LRP1B: variants seen among roughly 807,000 people sequenced by gnomAD.
The protein encoded by LRP1B is LDL receptor related protein 1B, also known as low-density lipoprotein receptor-related protein 1B.
In LRP1B, 217 loss-of-function variants were observed where a neutral mutation model predicts 556.6. That is an observed-to-expected ratio of 0.39 (90% CI 0.35 to 0.44). The LOEUF is 0.44. Among genes scored for constraint, LRP1B ranks in the 20% least tolerant of loss-of-function variants. The pLI is 1.00. For missense variants in LRP1B, 5,053 were observed against 5,620.8 expected (o/e 0.90, Z 3.23); for synonymous variants, 2,047 against 1,865.8 (o/e 1.10, Z -2.50).
At position 141,480,854 on chromosome 2, in the gene LRP1B, T is replaced by G. The variant is rs1682895003; in HGVS notation, c.206-321A>C. Among the ~76,000 whole-genome samples, 5 of 152,156 alleles carry G rather than the reference T, an allele frequency of 3.3e-5. 1 individual carries two copies. In the South Asian group the frequency reaches 1.0e-3, roughly 32 times the overall value. ...GTTTCATCTCATATCCCTAGATAAG[T>G]TGGGCAGGGTACTTAAACTCCTTGA... On this transcript the variant is annotated intron_variant, in intron 2 of 90. Transcript: ENST00000389484.
At chr2:140,824,310 C>T (rs1286016002) in intron 31 of LRP1B, among the ~76,000 whole-genome samples, 3 of 151,670 alleles carry the variant, frequency 2.0e-5, no homozygotes, top group East Asian at 1.9e-4. Context: ...TATATGAGGC[C>T]TTTTGGGATA....
chr2:140,794,114 ACGGTCCT>A (rs1231565395), intron 32 of LRP1B, among the ~76,000 whole-genome samples: 2 of 152,178 alleles, frequency 1.3e-5, no homozygotes, highest in Non-Finnish European at 2.9e-5. Context: ...GAAGATACAT[ACGGTCCT>A]CATTGTATTT....
At chr2:140,301,314 A>G (rs1029759194) in intron 83 of LRP1B, among the ~76,000 whole-genome samples, 21 of 150,844 alleles carry the variant, frequency 1.4e-4, no homozygotes, top group African/African-American at 4.2e-4. Context: ...TCTTCAAAAG[A>G]CAATCATACT....
In LRP1B at chr2:140,350,843, T is replaced by C. The variant is rs1681925438; in HGVS notation, c.11846A>G (p.Lys3949Arg). 3 of 1,611,438 alleles carry C rather than the reference T, an allele frequency of 1.9e-6. No individual in the cohort carries two copies. Among genetic ancestry groups the C allele is most frequent in the East Asian group, 2.2e-5 (1 of 44,492 alleles). ...TQFNPGGIFY[K>R]RIHGREKRQA... ...CCTTTTTTCTCTGCCATGGATCCTT[T>C]TGTAGAAAATTCCGCCTGGATTAAA... is the stretch of plus-strand genomic sequence containing the variant. Residue 3949 changes from lysine (K) to arginine (R), a missense_variant, in exon 77 of 91, where the codon AAA (lysine) becomes AGA (arginine). Lys to Arg is a conservative substitution (Grantham distance 26). Around this residue, in one of 5 missense-constraint regions of LRP1B, gnomAD observed 599 missense variants for 648.4 expected, o/e 0.92. Transcript: ENST00000389484.
rs61682272 is a variant in LRP1B at position 141,923,403 on chromosome 2, C to CTATATATATATATATATATATATATA, written c.83-113003_83-113002insTATATATATATATATATATATATATA. On this transcript the variant is annotated intron_variant, in intron 1 of 90. Coordinates refer to ENST00000389484, the MANE Select transcript of LRP1B (RefSeq NM_018557.3). ...ATTTTTAATGAAATTATCTCTGTCA[C>CTATATATATATATATATATATATATA]TATATATATATATATATATAGTGAC... 3.0e-4 allele frequency among the ~76,000 whole-genome samples: 31 copies of CTATATATATATATATATATATATATA among 102,092 alleles called. 1 individual carries two copies. The highest frequency in any genetic ancestry group is 5.6e-4 in the African/African-American group (14 of 25,044). 67.0% of individuals were successfully genotyped at this position (102,092 alleles called of 152,430 possible). A position where few individuals can be genotyped will look rare whatever the true frequency, so the allele number is the denominator to read the frequency against.
chr2:140,508,137 T>C (rs1689498271), intron 52 of LRP1B, among the ~76,000 whole-genome samples: 1 of 152,164 alleles, frequency 6.6e-6, no homozygotes, highest in South Asian at 2.1e-4. Context: ...TAATGGGTAC[T>C]TGAAAAACTT....
chr2:141,613,809 A>G (rs1040145214), intron 2 of LRP1B, among the ~76,000 whole-genome samples: 2 of 152,140 alleles, frequency 1.3e-5, no homozygotes, highest in Non-Finnish European at 2.9e-5. Context: ...ATGGCAGCTC[A>G]TGCATGTAAT....
At chr2:141,987,289 G>A (rs1017059023) in intron 1 of LRP1B, among the ~76,000 whole-genome samples, 2 of 151,872 alleles carry the variant, frequency 1.3e-5, no homozygotes, top group African/African-American at 4.8e-5. Flanking sequence ...AATTATTCAG[G>A]AGTTTAAAAA....
intron 35 of LRP1B, among the ~76,000 whole-genome samples, chr2:140,726,280 C>A (rs1030787902): frequency 4.6e-5 from 7 of 151,948 alleles, no homozygotes; most frequent in African/African-American, 1.7e-4. Flanking sequence ...AGATTTGGGG[C>A]TAGTTTTTTC....
At chr2:140,656,696 TTGTC>T (rs988038159) in intron 41 of LRP1B, among the ~76,000 whole-genome samples, 75 of 152,302 alleles carry the variant, frequency 4.9e-4, no homozygotes, top group African/African-American at 1.7e-3. Context: ...CTTGGACTAT[TTGTC>T]TGATTCATTC....
chr2:141,054,117 A>G (rs769491429), intron 10 of LRP1B, among the ~76,000 whole-genome samples: 2 of 152,028 alleles, frequency 1.3e-5, no homozygotes, highest in African/African-American at 4.8e-5. Flanking sequence ...TTTAAACTAT[A>G]TATTCTATTA....
intron 3 of LRP1B, among the ~76,000 whole-genome samples, chr2:141,347,836 T>C (rs1688308020): frequency 6.6e-6 from 1 of 152,054 alleles, no homozygotes; most frequent in African/African-American, 2.4e-5. Context: ...GTATGTATTA[T>C]TAAAAACTAA....
chr2:140,712,459 T>C lies in LRP1B; in HGVS notation c.6023+3514A>G, dbSNP rs550031314. On this transcript the variant is annotated intron_variant, in intron 37 of 90. Transcript: ENST00000389484. ...TTTCTGTCTGTGATTCCTCCTGCTC[T>C]GCCCTATTGTTTCTCCCTTGTCAAG... is the stretch of plus-strand genomic sequence containing the variant. 1.6e-4 allele frequency among the ~76,000 whole-genome samples: 25 copies of C among 152,136 alleles called. 1 individual carries two copies. The East Asian group carries it at 4.9e-3, about 30-fold the overall frequency.
At chr2:141,661,305 G>A (rs957402338) in intron 2 of LRP1B, among the ~76,000 whole-genome samples, 6 of 152,178 alleles carry the variant, frequency 3.9e-5, no homozygotes, top group African/African-American at 1.4e-4. Context: ...TCCAGCAATG[G>A]CACCGGATTG....
At chr2:140,953,655 A>T (rs1695786381) in intron 18 of LRP1B, among the ~76,000 whole-genome samples, 1 of 152,202 alleles carries the variant, frequency 6.6e-6, no homozygotes, top group Non-Finnish European at 1.5e-5. Flanking sequence ...TTACTCATCA[A>T]TCAATCAGTC....
intron 18 of LRP1B, among the ~76,000 whole-genome samples, chr2:140,959,766 C>T (rs1339270437): frequency 6.6e-6 from 1 of 151,588 alleles, no homozygotes; most frequent in African/African-American, 2.4e-5. Context: ...ACTACAACTT[C>T]CAAGAGAAAA....
chr2:141,187,730 A>T (rs556848027), intron 7 of LRP1B, among the ~76,000 whole-genome samples: 127 of 152,132 alleles, frequency 8.3e-4, no homozygotes, highest in African/African-American at 2.9e-3. Flanking sequence ...TAAACATTTT[A>T]TGACTATATT....
intron 2 of LRP1B, among the ~76,000 whole-genome samples, chr2:141,715,564 C>T (rs1266528844): frequency 1.3e-5 from 2 of 152,122 alleles, no homozygotes; most frequent in Non-Finnish European, 2.9e-5. Flanking sequence ...CCTGTAATCC[C>T]AGCGCTTTGG....
intron 2 of LRP1B, among the ~76,000 whole-genome samples, chr2:141,722,737 G>GATAC (rs1183600803): frequency 4.3e-5 from 6 of 140,952 alleles, no homozygotes; most frequent in African/African-American, 1.3e-4. Context: ...TACATAGATA[G>GATAC]ATAGATAGAT....
Sources: gnomAD v4.1 joint callset for allele counts (sites outside exome capture counted in the v4.1 genomes callset) on GRCh38, gnomAD v4.1.1 for gene constraint, gnomAD v4.1.1 regional missense constraint, MANE v1.5 for transcripts, NCBI Gene and HGNC (gene_info 2026-07-23, HGNC 2026-07-21) for gene names.